NUBPL: variants seen among roughly 807,000 people sequenced by gnomAD.
NUBPL encodes the protein iron-sulfur cluster transfer protein NUBPL.
A neutral mutation model predicts 45.7 loss-of-function variants in NUBPL; 31 were observed. The observed-to-expected ratio is 0.68, with a 90% confidence interval of 0.51 to 0.92. The LOEUF (loss-of-function observed/expected upper bound fraction) is 0.92, where lower values mean the gene tolerates loss of function less well. Ranked by LOEUF, NUBPL falls within the 40% of genes least tolerant of loss-of-function variation. NUBPL has a pLI of 0.00. For synonymous variants in NUBPL, 144 were observed against 140.9 expected, an observed-to-expected ratio of 1.02 and a Z score of -0.15; for missense variants, 401 against 398.7, an observed-to-expected ratio of 1.01 and a Z score of -0.05.
rs11558436 is a variant in NUBPL at position 31,787,859 on chromosome 14, A to C, written c.593A>C (p.Asn198Thr). 8,332 of 1,607,730 alleles carry C rather than the reference A, an allele frequency of 5.2e-3. 28 individuals are homozygous for C. Among genetic ancestry groups the C allele is most frequent in the Non-Finnish European group, 6.0e-3 (7,071 of 1,174,310 alleles). The change falls in exon 7 of 11, where the codon AAT (asparagine) becomes ACT (threonine). Residue 198 changes from asparagine to threonine, a missense_variant. By Grantham distance (65) the Asn-to-Thr change is moderately conservative. Coordinates refer to ENST00000281081, the MANE Select transcript of NUBPL (RefSeq NM_025152.3). ...TGDVQLSVSQ[N>T]IPITGAVIVS... ...GATGTGCAGTTATCAGTCTCACAGA[A>C]TATTCCTATAACAGGTAAATCTTCA...
chr14:31,842,081 C>T (rs1401727850), intron 8 of NUBPL, among the ~76,000 whole-genome samples: 1 of 151,288 alleles, frequency 6.6e-6, no homozygotes, highest in Non-Finnish European at 1.5e-5. Context: ...CAGGCACCCG[C>T]CACCACGCCC....
At chr14:31,750,236 G>A (rs1312511988) in intron 6 of NUBPL, among the ~76,000 whole-genome samples, 6 of 149,582 alleles carry the variant, frequency 4.0e-5, no homozygotes, top group East Asian at 1.9e-4. Context: ...GTACAGTGGC[G>A]CAGCCTCGGC....
At chr14:31,733,933 A>G (rs898332471) in intron 6 of NUBPL, among the ~76,000 whole-genome samples, 1 of 152,210 alleles carries the variant, frequency 6.6e-6, no homozygotes, top group African/African-American at 2.4e-5. Context: ...CATCAGCTTC[A>G]GAGAGTTCTG....
intron 3 of NUBPL, among the ~76,000 whole-genome samples, chr14:31,592,825 A>G (rs1167132592): frequency 6.6e-6 from 1 of 152,170 alleles, no homozygotes; most frequent in East Asian, 1.9e-4. Flanking sequence ...GACCGAATGA[A>G]TCAGAATTTC....
chr14:31,749,353 T>G (rs575742260), intron 6 of NUBPL, among the ~76,000 whole-genome samples: 8 of 152,240 alleles, frequency 5.3e-5, no homozygotes, highest in Non-Finnish European at 1.2e-4. Context: ...TGCTTCCAGA[T>G]GAAGGATGCC....
chr14:31,738,433 G>A (rs2038208193), intron 6 of NUBPL, among the ~76,000 whole-genome samples: 2 of 151,988 alleles, frequency 1.3e-5, no homozygotes, highest in East Asian at 3.9e-4. Flanking sequence ...ATATGACTGG[G>A]GACTCTTGAC....
intron 3 of NUBPL, among the ~76,000 whole-genome samples, chr14:31,598,867 A>G (rs1426267842): frequency 6.6e-6 from 1 of 152,026 alleles, no homozygotes; most frequent in Non-Finnish European, 1.5e-5. Flanking sequence ...GGTGTGTTAG[A>G]CAAGCTTTCC....
intron 7 of NUBPL, among the ~76,000 whole-genome samples, chr14:31,822,860 G>A (rs1243967842): frequency 6.6e-6 from 1 of 152,106 alleles, no homozygotes; most frequent in East Asian, 1.9e-4. Flanking sequence ...ATTCTGCAAA[G>A]AAACCCAAAT....
chr14:31,792,489 A>ACACC (rs2039400307), intron 7 of NUBPL, among the ~76,000 whole-genome samples: 1 of 940 alleles, frequency 1.1e-3, no homozygotes, highest in African/African-American at 1.7e-3. Flanking sequence ...GCTGATTCAT[A>ACACC]TGCCTTGAAC....
chr14:31,853,108 TTTTGTTTTG>T (rs2040565442), intron 10 of NUBPL, among the ~76,000 whole-genome samples: 2 of 151,960 alleles, frequency 1.3e-5, no homozygotes, highest in African/African-American at 4.8e-5. Context: ...TTTTGTTTTG[TTTTGTTTTG>T]TTTGAGACAG....
rs1178776428 is a variant in NUBPL at position 31,859,671 on chromosome 14, C to A, written c.*491C>A. On this transcript the variant is annotated 3_prime_UTR_variant, in exon 11 of 11. Transcript: ENST00000281081. Reference sequence around the variant, plus strand: ...GCTTCTTCATCTGGATCACACTATACCCCAGACTTAATGAATTTCAGTCTC... The same window carrying A: ...GCTTCTTCATCTGGATCACACTATAACCCAGACTTAATGAATTTCAGTCTC... 5.6e-6 allele frequency: 1 copy of A among 178,294 alleles called. No individual in the cohort carries two copies. Among genetic ancestry groups the A allele is most frequent in the Non-Finnish European group, 1.2e-5 (1 of 82,796 alleles). 11.0% of individuals were successfully genotyped at this position (178,294 alleles called of 1,614,324 possible). A position where few individuals can be genotyped will look rare whatever the true frequency, so the allele number is the denominator to read the frequency against.
intron 7 of NUBPL, among the ~76,000 whole-genome samples, chr14:31,817,701 A>T (rs977138175): frequency 1.3e-5 from 2 of 152,240 alleles, no homozygotes; most frequent in Non-Finnish European, 2.9e-5. Context: ...AGCCACTGCA[A>T]AAACATACCA....
chr14:31,592,093 CTT>C (rs1414275236), intron 3 of NUBPL, among the ~76,000 whole-genome samples: 1 of 152,038 alleles, frequency 6.6e-6, no homozygotes, highest in Non-Finnish European at 1.5e-5. Context: ...AAACATGACA[CTT>C]GAGCAGAGAA....
intron 6 of NUBPL, among the ~76,000 whole-genome samples, chr14:31,770,539 G>C (rs552864770): frequency 4.4e-4 from 67 of 152,316 alleles, no homozygotes; most frequent in African/African-American, 1.6e-3. Context: ...ATTTACAGGA[G>C]TAATTGAGGA....
At chr14:31,592,991 G>T (rs1466639787) in intron 3 of NUBPL, among the ~76,000 whole-genome samples, 1 of 152,102 alleles carries the variant, frequency 6.6e-6, no homozygotes, top group Non-Finnish European at 1.5e-5. Context: ...CTCCATATGT[G>T]CTGGTTTTGC....
intron 7 of NUBPL, among the ~76,000 whole-genome samples, chr14:31,800,541 C>T (rs1191807900): frequency 6.6e-6 from 1 of 152,110 alleles, no homozygotes; most frequent in Non-Finnish European, 1.5e-5. Flanking sequence ...GGAAAAATGG[C>T]ACGGGTAGAC....
At chr14:31,683,035 T>TG (rs2036868151) in intron 6 of NUBPL, among the ~76,000 whole-genome samples, 1 of 149,786 alleles carries the variant, frequency 6.7e-6, no homozygotes, top group Admixed American at 6.6e-5. Flanking sequence ...TTTTTTTTTT[T>TG]GACAACGAGC....
chr14:31,636,562 G>C (rs1168908354), intron 4 of NUBPL, among the ~76,000 whole-genome samples: 1 of 152,130 alleles, frequency 6.6e-6, no homozygotes, highest in Non-Finnish European at 1.5e-5. Flanking sequence ...TTTTTTGGTT[G>C]TGTCTCTGCC....
At chr14:31,780,585 T>A (rs186550592) in intron 6 of NUBPL, among the ~76,000 whole-genome samples, 1 of 152,100 alleles carries the variant, frequency 6.6e-6, no homozygotes, top group Non-Finnish European at 1.5e-5. Context: ...AACAATTAAG[T>A]TATGACTTAA....
Sources: allele counts gnomAD v4.1 joint callset (sites outside exome capture counted in the v4.1 genomes callset), GRCh38; gene constraint gnomAD v4.1.1; transcripts MANE v1.5; gene names NCBI Gene and HGNC (gene_info 2026-07-23, HGNC 2026-07-21).